Variants in UNC13C observed in about 807,000 individuals in gnomAD.
The protein encoded by UNC13C is unc-13 homolog C.
In UNC13C, 174 loss-of-function variants were observed where a neutral mutation model predicts 245.4. That is an observed-to-expected ratio of 0.71 (90% CI 0.63 to 0.80). The LOEUF is 0.80. UNC13C is among the 30% of genes least tolerant of loss of function. The probability of loss-of-function intolerance (pLI) is 0.00; values close to 1 mark genes in which losing one functional copy is unlikely to be tolerated. For synonymous variants in UNC13C, 992 were observed against 895.1 expected, an observed-to-expected ratio of 1.11 and a Z score of -1.93; for missense variants, 2,829 against 2,602.9, an observed-to-expected ratio of 1.09 and a Z score of -1.89.
intron 10 of UNC13C, among the ~76,000 whole-genome samples, chr15:54,270,237 A>T (rs2036650964): frequency 6.6e-6 from 1 of 152,188 alleles, no homozygotes; most frequent in Non-Finnish European, 1.5e-5. Flanking sequence ...GTTCACAGTG[A>T]ATTTATGTTC....
intron 29 of UNC13C, among the ~76,000 whole-genome samples, chr15:54,558,889 G>T (rs549407549): frequency 1.7e-3 from 253 of 152,144 alleles, no homozygotes; most frequent in Non-Finnish European, 2.7e-3. Flanking sequence ...GTTCTAGCTG[G>T]ACTTTGAGTT....
At chr15:54,380,983 T>C (rs2039711950) in intron 17 of UNC13C, among the ~76,000 whole-genome samples, 2 of 152,166 alleles carry the variant, frequency 1.3e-5, no homozygotes. Context: ...CATTTGTTTA[T>C]TTTTGCCTTT....
chr15:54,528,058 C>T (rs993012126), intron 25 of UNC13C, among the ~76,000 whole-genome samples: 2 of 152,030 alleles, frequency 1.3e-5, no homozygotes. Flanking sequence ...GTAAAAAATC[C>T]ACTTGATTTT....
intron 18 of UNC13C, among the ~76,000 whole-genome samples, chr15:54,408,199 CAAAAAAAAAAAAAAAAAAAAAAAA>C (rs71105808): frequency 3.4e-5 from 1 of 29,130 alleles, no homozygotes; most frequent in African/African-American, 8.8e-5. Context: ...GACTCTGCCT[CAAAAAAAAAAAAAAAAAAAAAAAA>C]AAAAAACATG....
intron 2 of UNC13C, among the ~76,000 whole-genome samples, chr15:54,052,218 A>T (rs1309948646): frequency 9.4e-6 from 1 of 106,202 alleles, no homozygotes; most frequent in Non-Finnish European, 1.9e-5. Flanking sequence ...GCCGCAATAA[A>T]CATACGTGTG....
At chr15:54,620,532 G>T (rs184938718) in intron 30 of UNC13C, among the ~76,000 whole-genome samples, 1 of 152,132 alleles carries the variant, frequency 6.6e-6, no homozygotes, top group East Asian at 1.9e-4. Context: ...CTCGTGCTGC[G>T]AGAAAATTAC....
chr15:54,182,955 C>T (rs1205569403), intron 4 of UNC13C, among the ~76,000 whole-genome samples: 1 of 151,914 alleles, frequency 6.6e-6, no homozygotes, highest in Non-Finnish European at 1.5e-5. Flanking sequence ...ATGTTTCATT[C>T]ATTGTTCAGG....
chr15:54,425,113 A>T (rs911125974), intron 19 of UNC13C, among the ~76,000 whole-genome samples: 1 of 151,844 alleles, frequency 6.6e-6, no homozygotes, highest in African/African-American at 2.4e-5. Flanking sequence ...TATGAGTGAC[A>T]TTAGGATATA....
At position 54,627,171 on chromosome 15, in the gene UNC13C, C is replaced by CAAAT; in HGVS notation, c.*60_*63dup. On this transcript the variant is annotated 3_prime_UTR_variant, in exon 33 of 33. Coordinates refer to ENST00000260323, the MANE Select transcript of UNC13C (RefSeq NM_001080534.3). ...ATTGTTTGACTACTGCATGCATGTG[C>CAAAT]AAATACATGGGAATGTTTAGTTCAC... 4 of 1,480,780 alleles carry CAAAT rather than the reference C, an allele frequency of 2.7e-6. No individual in the cohort carries two copies. In the South Asian group the frequency reaches 5.3e-5, roughly 19 times the overall value. The allele number at this position is 1,480,780 out of a possible 1,614,324, so 91.7% of individuals were successfully genotyped here. A position where few individuals can be genotyped will look rare whatever the true frequency, so the allele number is the denominator to read the frequency against.
At chr15:54,035,682 C>G (rs1014680003) in intron 2 of UNC13C, among the ~76,000 whole-genome samples, 1 of 152,046 alleles carries the variant, frequency 6.6e-6, no homozygotes, top group Non-Finnish European at 1.5e-5. Flanking sequence ...CAGAGAAAAA[C>G]GTGGAAGCCA....
At chr15:54,206,975 G>T (rs760191882) in intron 4 of UNC13C, among the ~76,000 whole-genome samples, 7 of 152,024 alleles carry the variant, frequency 4.6e-5, no homozygotes, top group Non-Finnish European at 8.8e-5. Context: ...CCTAATGGAA[G>T]ATAAAACCCA....
At chr15:54,170,687 A>G (rs763734070) in intron 4 of UNC13C, among the ~76,000 whole-genome samples, 9 of 152,152 alleles carry the variant, frequency 5.9e-5, no homozygotes, top group Non-Finnish European at 1.0e-4. Context: ...ATGTTAGATT[A>G]GAGATGGCGC....
the UNC13C span, among the ~76,000 whole-genome samples, chr15:53,841,370 C>A: frequency 6.6e-6 from 1 of 151,952 alleles, no homozygotes; most frequent in African/African-American, 2.4e-5. Flanking sequence ...AAGCTTCAAC[C>A]AAAAGCAAGG....
intron 17 of UNC13C, among the ~76,000 whole-genome samples, chr15:54,364,098 A>G (rs978082386): frequency 6.6e-6 from 1 of 152,218 alleles, no homozygotes; most frequent in Non-Finnish European, 1.5e-5. Flanking sequence ...TTGCTGGAGA[A>G]CAGAAACATC....
chr15:54,487,675 G>T (rs1031963675), intron 19 of UNC13C, among the ~76,000 whole-genome samples: 2 of 148,944 alleles, frequency 1.3e-5, no homozygotes, highest in Admixed American at 1.4e-4. Flanking sequence ...GCTGAGGCAG[G>T]ATAATTGCTT....
chr15:54,471,573 A>G (rs74016626), intron 19 of UNC13C, among the ~76,000 whole-genome samples: 1,605 of 151,616 alleles, frequency 0.011, 27 homozygotes, highest in African/African-American at 0.036. Flanking sequence ...CTTTCAGTCT[A>G]TGACTTTTCC....
rs796713860 is a variant in UNC13C, at chr15:54,247,500, G to GA, written c.3229-2719dup. Among the ~76,000 whole-genome samples the GA allele has an allele frequency of 1.6e-4, 25 of 152,060 alleles. 2 individuals carry two copies. The highest frequency in any genetic ancestry group is 6.0e-4 in the African/African-American group (25 of 41,504). On this transcript the variant is annotated intron_variant, in intron 7 of 32. Transcript: ENST00000260323. The stretch of plus-strand genomic sequence containing the variant: ...CTATCAACTCAACATATACTTTGCT[G>GA]AAAAAAGAGTGTTTTCGTATGGCAT...
chr15:53,965,499 AATTT>A, the UNC13C span, among the ~76,000 whole-genome samples: 7 of 151,228 alleles, frequency 4.6e-5, no homozygotes, highest in African/African-American at 1.5e-4. Context: ...TTAAATGTTG[AATTT>A]ATTTATGTCC....
intron 3 of UNC13C, 50 bp downstream of exon 3, chr15:54,143,090 C>A (rs368165178): frequency 4.3e-5 from 67 of 1,546,622 alleles, no homozygotes; most frequent in Non-Finnish European, 5.8e-5. Flanking sequence ...GTCTTTTGTA[C>A]ATGTTTGTTT....
Sources: gnomAD v4.1 joint callset for allele counts (sites outside exome capture counted in the v4.1 genomes callset) on GRCh38, gnomAD v4.1.1 for gene constraint, MANE v1.5 for transcripts, NCBI Gene and HGNC (gene_info 2026-07-23, HGNC 2026-07-21) for gene names.